ST18: variants seen among roughly 807,000 people sequenced by gnomAD.
ST18 encodes ST18 C2H2C-type zinc finger transcription factor, also known as suppression of tumorigenicity 18 protein.
ST18 carries 50 observed loss-of-function variants against 110.0 expected under a neutral mutation model. That is an observed-to-expected ratio of 0.45 (90% CI 0.36 to 0.58). The LOEUF (loss-of-function observed/expected upper bound fraction) is 0.58. ST18 is among the 20% of genes least tolerant of loss of function. The pLI is 0.00. For missense variants in ST18, 1,306 were observed against 1,280.1 expected (o/e 1.02, Z -0.31); for synonymous variants, 461 against 452.4 (o/e 1.02, Z -0.24).
chr8:52,319,231 G>T (rs979448533), intron 2 of ST18, among the ~76,000 whole-genome samples: 34 of 152,130 alleles, frequency 2.2e-4, no homozygotes, highest in African/African-American at 8.0e-4. Flanking sequence ...GTCGATTTCA[G>T]GTATGTTTGA....
At chr8:52,402,629 T>C (rs1274537571) in intron 2 of ST18, among the ~76,000 whole-genome samples, 1 of 152,070 alleles carries the variant, frequency 6.6e-6, no homozygotes, top group Non-Finnish European at 1.5e-5. Flanking sequence ...GGGTACTGCA[T>C]AGTGATGACT....
chr8:52,154,848 T>G (rs2059636611), intron 15 of ST18: 1 of 143,718 alleles, frequency 7.0e-6, no homozygotes, highest in African/African-American at 2.6e-5. Flanking sequence ...ATCACTGCAC[T>G]CCAGCCTAGG....
chr8:52,316,978 T>G (rs928958874), intron 2 of ST18, among the ~76,000 whole-genome samples: 3 of 152,330 alleles, frequency 2.0e-5, no homozygotes, highest in Admixed American at 6.5e-5. Context: ...CTCTACCCAA[T>G]TCACAAACAA....
chr8:52,407,762 T>C (rs1476731608), intron 2 of ST18: 1 of 152,204 alleles, frequency 6.6e-6, no homozygotes, highest in Non-Finnish European at 1.5e-5. Flanking sequence ...AGACATCTGT[T>C]TGGAAACTCC....
chr8:52,214,217 G>C lies in ST18; in HGVS notation c.41C>G (p.Ser14Cys), dbSNP rs555571617. 1.3e-5 allele frequency: 21 copies of C among 1,614,076 alleles called. 1 individual carries two copies. The South Asian group carries it at 2.2e-4, about 17-fold the overall frequency. The change falls in exon 7 of 26, where the codon TCT becomes TGT. Residue 14 changes from serine to cysteine, a missense_variant. Physicochemically the swap from Ser to Cys is moderately radical, Grantham distance 112 (BLOSUM62 -1). Coordinates refer to ENST00000689386, the MANE Select transcript of ST18 (RefSeq NM_001352837.2). Reference protein sequence around the residue: ...EAEDKTLRTRSKGTEVPMDSL... With the variant: ...EAEDKTLRTRCKGTEVPMDSL... ...TGCTAACTCACCCTCGGTTCCTTTAGAGCGAGTACGCAGCGTTTTATCTTC... is the reference window on the plus strand; with the variant it reads ...TGCTAACTCACCCTCGGTTCCTTTACAGCGAGTACGCAGCGTTTTATCTTC...
intron 2 of ST18, among the ~76,000 whole-genome samples, chr8:52,365,113 T>TAA (rs112561534): frequency 1.8e-4 from 27 of 149,338 alleles, no homozygotes; most frequent in African/African-American, 2.9e-4. Context: ...GACTCTGTCT[T>TAA]AAAAAAAAAA....
At chr8:52,249,778 T>C (rs1020297046) in intron 2 of ST18, among the ~76,000 whole-genome samples, 1 of 152,246 alleles carries the variant, frequency 6.6e-6, no homozygotes, top group East Asian at 1.9e-4. Flanking sequence ...CAAACAACGA[T>C]AGAGCAGGTG....
chr8:52,320,028 G>A (rs1282221573), intron 2 of ST18, among the ~76,000 whole-genome samples: 2 of 152,154 alleles, frequency 1.3e-5, no homozygotes, highest in African/African-American at 2.4e-5. Flanking sequence ...CCAGATTCAA[G>A]AGGAGGAGAC....
chr8:52,265,919 G>A (rs966881111), intron 2 of ST18, among the ~76,000 whole-genome samples: 4 of 152,164 alleles, frequency 2.6e-5, no homozygotes, highest in Non-Finnish European at 5.9e-5. Flanking sequence ...CCACACCATA[G>A]AACAAGCTCA....
intron 3 of ST18, among the ~76,000 whole-genome samples, chr8:52,229,432 T>C (rs1433360447): frequency 1.3e-5 from 2 of 152,198 alleles, no homozygotes; most frequent in Non-Finnish European, 2.9e-5. Context: ...AGGTCCCTGT[T>C]TTCTTGCAGG....
At chr8:52,281,820 C>A (rs911016810) in intron 2 of ST18, among the ~76,000 whole-genome samples, 96 of 152,152 alleles carry the variant, frequency 6.3e-4, no homozygotes, top group African/African-American at 2.2e-3. Context: ...ATATGTTTTC[C>A]CTCATAAGTG....
At chr8:52,354,228 T>C (rs560387893) in intron 2 of ST18, among the ~76,000 whole-genome samples, 9 of 152,340 alleles carry the variant, frequency 5.9e-5, no homozygotes, top group African/African-American at 2.2e-4. Flanking sequence ...GATCTAACTT[T>C]AGTTTTACAA....
chr8:52,300,867 C>T (rs1022886855), intron 2 of ST18, among the ~76,000 whole-genome samples: 1 of 152,072 alleles, frequency 6.6e-6, no homozygotes, highest in Non-Finnish European at 1.5e-5. Flanking sequence ...AAACCTCTAG[C>T]AGAACTGTCA....
At chr8:52,139,795 A>C (rs528363479) in intron 17 of ST18, among the ~76,000 whole-genome samples, 1 of 152,290 alleles carries the variant, frequency 6.6e-6, no homozygotes, top group South Asian at 2.1e-4. Context: ...ATTTATTTTT[A>C]AGTTTGGTTG....
Position 52,396,223 on chromosome 8 carries a change from A to G in ST18, c.-465+13105T>C, listed in dbSNP as rs532643913. Among the ~76,000 whole-genome samples the G allele has an allele frequency of 7.9e-5, 12 of 152,306 alleles. No individual in the cohort carries two copies. The East Asian group carries it at 2.3e-3, about 29-fold the overall frequency. On this transcript the variant is annotated intron_variant, in intron 2 of 25. Coordinates refer to ENST00000689386, the MANE Select transcript of ST18 (RefSeq NM_001352837.2). Reference sequence around the variant, plus strand: ...TTTACTATAGTCTTCATGTTATATTAAATCTCTAGACTTTTTCATTCTACA... The same window carrying G: ...TTTACTATAGTCTTCATGTTATATTGAATCTCTAGACTTTTTCATTCTACA...
intron 9 of ST18, among the ~76,000 whole-genome samples, chr8:52,176,779 C>T (rs2067126491): frequency 6.6e-6 from 1 of 152,170 alleles, no homozygotes; most frequent in African/African-American, 2.4e-5. Context: ...AAAGTCACAA[C>T]ATATTTTGAG....
chr8:52,231,853 T>C (rs2091481018), intron 2 of ST18, among the ~76,000 whole-genome samples: 1 of 152,206 alleles, frequency 6.6e-6, no homozygotes, highest in Non-Finnish European at 1.5e-5. Context: ...TGCTGCTCCA[T>C]GGACTGCACT....
chr8:52,324,334 G>A (rs903634986), intron 2 of ST18, among the ~76,000 whole-genome samples: 11 of 152,090 alleles, frequency 7.2e-5, no homozygotes, highest in African/African-American at 2.7e-4. Flanking sequence ...TGGATGGATG[G>A]ATGGATGGAT....
intron 2 of ST18, among the ~76,000 whole-genome samples, chr8:52,270,617 T>C (rs928681279): frequency 7.2e-5 from 11 of 152,198 alleles, no homozygotes; most frequent in African/African-American, 2.7e-4. Context: ...GTGATTAGTA[T>C]ACAATGTATC....
Sources: gnomAD v4.1 joint callset for allele counts (sites outside exome capture counted in the v4.1 genomes callset) on GRCh38, gnomAD v4.1.1 for gene constraint, MANE v1.5 for transcripts, NCBI Gene and HGNC (gene_info 2026-07-23, HGNC 2026-07-21) for gene names.